CDH18: variants seen among roughly 807,000 people sequenced by gnomAD.
The protein encoded by CDH18 is cadherin-18.
CDH18 carries 31 observed loss-of-function variants against 67.9 expected under a neutral mutation model. The ratio of observed to expected loss-of-function variants is 0.46; its 90% CI spans 0.34 to 0.62. CDH18 has a LOEUF of 0.62. Among genes scored for constraint, CDH18 ranks in the 20% least tolerant of loss-of-function variants. The pLI is 0.01. For synonymous variants in CDH18, 362 were observed against 347.2 expected (o/e 1.04, Z -0.48); for missense variants, 890 against 975.5 (o/e 0.91, Z 1.17).
rs868019811 is a variant in CDH18, at chr5:20,036,202, A to G, written c.-517-44188T>C. 3.3e-5 allele frequency among the ~76,000 whole-genome samples: 5 copies of G among 152,162 alleles called. No homozygotes were observed. The Middle Eastern group carries it at 0.014, about 414-fold the overall frequency. ...GGGTGCTGATCCACAGCTGTTCACCAGGTGAACTTTAACAGCTTACATGTC... is the reference window on the plus strand; with the variant it reads ...GGGTGCTGATCCACAGCTGTTCACCGGGTGAACTTTAACAGCTTACATGTC... On this transcript the variant is annotated intron_variant, in intron 2 of 14. Transcript: ENST00000507958.
intron 5 of CDH18, among the ~76,000 whole-genome samples, chr5:19,660,809 A>T (rs2150311032): frequency 6.6e-6 from 1 of 152,166 alleles, no homozygotes; most frequent in African/African-American, 2.4e-5. Flanking sequence ...ATACATAGCT[A>T]GCACTTTGAT....
At chr5:20,321,147 A>G (rs901182682) in intron 1 of CDH18, among the ~76,000 whole-genome samples, 2 of 152,038 alleles carry the variant, frequency 1.3e-5, no homozygotes, top group Non-Finnish European at 2.9e-5. Flanking sequence ...TTAATTCCTT[A>G]TATATAGAAT....
At chr5:20,405,435 T>C (rs922590610) in intron 1 of CDH18, among the ~76,000 whole-genome samples, 2 of 152,128 alleles carry the variant, frequency 1.3e-5, no homozygotes, top group Non-Finnish European at 2.9e-5. Flanking sequence ...CAAAAATTAA[T>C]TCAAGATGGA....
At chr5:20,339,314 T>C (rs1740048325) in intron 1 of CDH18, among the ~76,000 whole-genome samples, 1 of 152,142 alleles carries the variant, frequency 6.6e-6, no homozygotes, top group South Asian at 2.1e-4. Flanking sequence ...GAGGGAAGTA[T>C]TAATTTTAAC....
At chr5:20,488,928 G>T (rs1241244683) in intron 1 of CDH18, among the ~76,000 whole-genome samples, 2 of 151,890 alleles carry the variant, frequency 1.3e-5, no homozygotes, top group Admixed American at 6.6e-5. Flanking sequence ...GTGACAAACT[G>T]CTTTTCATAC....
Position 20,242,601 on chromosome 5 carries a change from A to T in CDH18, c.-518+12843T>A, listed in dbSNP as rs1561905706. On this transcript the variant is annotated intron_variant, in intron 2 of 14. Coordinates refer to the CDH18 transcript ENST00000507958. ...GGTTTTGGGTTTCATTGAGGGAAAA[A>T]AAAAAAAAAAATATATATATATATA... Among the ~76,000 whole-genome samples, 465 of 55,762 alleles carry T rather than the reference A, an allele frequency of 8.3e-3. 10 individuals carry two copies. Among genetic ancestry groups the T allele is most frequent in the African/African-American group, 0.042 (444 of 10,540 alleles). The allele number at this position is 55,762 out of a possible 152,430, so 36.6% of individuals were successfully genotyped here.
At position 19,832,334 on chromosome 5, in the gene CDH18, C is replaced by A. The variant is rs138493937; in HGVS notation, c.228+6425G>T. On this transcript the variant is annotated intron_variant, in intron 3 of 12. Transcript: ENST00000382275. ...TAACTATAGATACAAAAATTTCAAT[C>A]GAGTTCAAAGATAATTTGGAATAAT... Among the ~76,000 whole-genome samples the A allele has an allele frequency of 5.5e-3, 835 of 151,838 alleles. 5 individuals carry two copies. Among genetic ancestry groups the A allele is most frequent in the African/African-American group, 0.02 (810 of 41,398 alleles).
At chr5:19,769,915 G>A (rs1234461623) in intron 3 of CDH18, among the ~76,000 whole-genome samples, 2 of 151,178 alleles carry the variant, frequency 1.3e-5, no homozygotes, top group Non-Finnish European at 3.0e-5. Context: ...TAATTAAAAA[G>A]GAATGCAGAA....
At chr5:19,475,711 T>C (rs930833255) in intron 12 of CDH18, among the ~76,000 whole-genome samples, 1 of 152,094 alleles carries the variant, frequency 6.6e-6, no homozygotes, top group Non-Finnish European at 1.5e-5. Context: ...TACATACCTA[T>C]ATACAGATAT....
intron 8 of CDH18, among the ~76,000 whole-genome samples, chr5:19,562,896 TC>T (rs1437965892): frequency 1.3e-5 from 2 of 152,160 alleles, no homozygotes; most frequent in Admixed American, 6.5e-5. Flanking sequence ...AAATGTTGAT[TC>T]AGGGACTCCA....
chr5:19,698,297 A>T (rs1299986045), intron 5 of CDH18, among the ~76,000 whole-genome samples: 2 of 152,148 alleles, frequency 1.3e-5, no homozygotes, highest in Non-Finnish European at 2.9e-5. Context: ...TCATTTTATG[A>T]GCTTGCACAT....
chr5:19,725,827 T>C (rs111672768), intron 4 of CDH18, among the ~76,000 whole-genome samples: 136 of 152,218 alleles, frequency 8.9e-4, no homozygotes, highest in Non-Finnish European at 1.3e-3. Flanking sequence ...TTAACAGTTC[T>C]AGGCACATAG....
chr5:19,512,064 C>G (rs1483217395), intron 10 of CDH18, among the ~76,000 whole-genome samples: 3 of 152,032 alleles, frequency 2.0e-5, no homozygotes, highest in African/African-American at 4.8e-5. Context: ...CAAGTCATAG[C>G]TAAAAGGGGC....
intron 1 of CDH18, among the ~76,000 whole-genome samples, chr5:20,349,188 A>C (rs532333694): frequency 6.6e-6 from 1 of 152,260 alleles, no homozygotes; most frequent in East Asian, 1.9e-4. Flanking sequence ...CTAACTTCTA[A>C]AGGCCATTTT....
At chr5:19,904,391 G>GGGAAGAGAAGGGAAGGGAAA (rs1389562434) in intron 2 of CDH18, among the ~76,000 whole-genome samples, 2 of 146,224 alleles carry the variant, frequency 1.4e-5, no homozygotes, top group African/African-American at 2.5e-5. Context: ...GGGGAGGGGA[G>GGGAAGAGAAGGGAAGGGAAA]GGAAGAGAAG....
At chr5:19,624,436 T>G (rs1050741673) in intron 5 of CDH18, among the ~76,000 whole-genome samples, 2 of 152,220 alleles carry the variant, frequency 1.3e-5, no homozygotes, top group Admixed American at 1.3e-4. Context: ...ATGTTATTTA[T>G]GTCACATGTA....
intron 2 of CDH18, among the ~76,000 whole-genome samples, chr5:20,247,847 T>C (rs1006398938): frequency 6.6e-6 from 1 of 151,804 alleles, no homozygotes; most frequent in African/African-American, 2.4e-5. Flanking sequence ...TTGTCAATAA[T>C]AGATAGTAGC....
At chr5:19,476,173 T>C (rs1185785868) in intron 12 of CDH18, among the ~76,000 whole-genome samples, 3 of 151,846 alleles carry the variant, frequency 2.0e-5, no homozygotes, top group Non-Finnish European at 2.9e-5. Context: ...AAAACATCTG[T>C]AGAGAAAGTC....
chr5:19,625,581 CCT>C (rs1751419729), intron 5 of CDH18, among the ~76,000 whole-genome samples: 1 of 151,996 alleles, frequency 6.6e-6, no homozygotes, highest in South Asian at 2.1e-4. Context: ...AGCCTCTCTC[CCT>C]GGCTTATCAT....
Sources: gnomAD v4.1 joint callset for allele counts (sites outside exome capture counted in the v4.1 genomes callset) on GRCh38, gnomAD v4.1.1 for gene constraint, MANE v1.5 for transcripts, NCBI Gene and HGNC (gene_info 2026-07-23, HGNC 2026-07-21) for gene names.